CACNA1D: variants seen among roughly 807,000 people sequenced by gnomAD.
The protein encoded by CACNA1D is voltage-dependent L-type calcium channel subunit alpha-1D.
CACNA1D carries 55 observed loss-of-function variants against 257.1 expected under a neutral mutation model. That is an observed-to-expected ratio of 0.21 (90% CI 0.17 to 0.27). The LOEUF is 0.27. CACNA1D is among the 10% of genes least tolerant of loss of function. The pLI is 1.00. For missense variants in CACNA1D, 1,876 were observed against 2,784.0 expected, an observed-to-expected ratio of 0.67 and a Z score of 7.34; for synonymous variants, 980 against 1,014.9, an observed-to-expected ratio of 0.97 and a Z score of 0.65.
intron 3 of CACNA1D, among the ~76,000 whole-genome samples, chr3:53,612,115 C>T (rs1454940975): frequency 6.6e-6 from 1 of 152,094 alleles, no homozygotes; most frequent in Non-Finnish European, 1.5e-5. Context: ...TTTAAAAATA[C>T]TTGAATAAAA....
At chr3:53,523,701 C>G (rs1443499548) in intron 3 of CACNA1D, among the ~76,000 whole-genome samples, 1 of 152,222 alleles carries the variant, frequency 6.6e-6, no homozygotes, top group Admixed American at 6.5e-5. Flanking sequence ...CTTCAGGCCC[C>G]CCTTTGCCAC....
intron 3 of CACNA1D, among the ~76,000 whole-genome samples, chr3:53,503,255 T>C (rs2090679962): frequency 6.6e-6 from 1 of 152,220 alleles, no homozygotes; most frequent in African/African-American, 2.4e-5. Context: ...ACACTGGTAG[T>C]ATATATTTGG....
chr3:53,719,185 TG>T (rs2094855552), intron 10 of CACNA1D, among the ~76,000 whole-genome samples: 1 of 152,240 alleles, frequency 6.6e-6, no homozygotes, highest in African/African-American at 2.4e-5. Context: ...ATCTTACTCT[TG>T]GCAGAGTTTC....
At chr3:53,691,551 C>A (rs1040990874) in intron 8 of CACNA1D, among the ~76,000 whole-genome samples, 2 of 150,098 alleles carry the variant, frequency 1.3e-5, no homozygotes, top group Non-Finnish European at 2.9e-5. Flanking sequence ...TGGAAACTAA[C>A]CCTTCAAAGA....
rs3733070 is a variant in CACNA1D, at chr3:53,780,281, C to T, written c.4690+153C>T. Among the ~76,000 whole-genome samples the T allele has an allele frequency of 0.29, 43,781 of 152,182 alleles. 7,336 individuals are homozygous for T. The highest frequency in any genetic ancestry group is 0.38 in the Non-Finnish European group (25,848 of 67,978). On this transcript the variant is annotated intron_variant, in intron 38 of 47. Coordinates refer to ENST00000350061, the MANE Select transcript of CACNA1D (RefSeq NM_001128840.3). ...ATGAAGATGTCCATGCTGGGCTTGC[C>T]GGCTGGCCCCTGCCTCCTGTTTCCT...
chr3:53,732,859 C>A lies in CACNA1D; in HGVS notation c.2518C>A (p.Pro840Thr). 6.2e-7 allele frequency: 1 copy of A among 1,613,812 alleles called. No homozygotes were observed. The highest frequency in any genetic ancestry group is 8.5e-7 in the Non-Finnish European group (1 of 1,179,778). The change falls in exon 19 of 48, where the codon CCT becomes ACT. Residue 840 changes from proline to threonine, a missense_variant. Physicochemically the swap from Pro to Thr is conservative, Grantham distance 38. Around this residue, in one of 10 missense-constraint regions of CACNA1D, gnomAD observed 271 missense variants for 425.5 expected, o/e 0.64. Coordinates refer to ENST00000350061, the MANE Select transcript of CACNA1D (RefSeq NM_001128840.3). ...AGAGGAGGAGGATGAACCTGAGGTT[C>A]CTGCCGGACCCCGTCCTCGAAGGAT... The part of the protein sequence containing the change: ...EEEEEDEPEV[P>T]AGPRPRRISE...
chr3:53,791,641 G>C (rs1199497022), intron 40 of CACNA1D: 2 of 152,522 alleles, frequency 1.3e-5, no homozygotes, highest in Non-Finnish European at 2.9e-5. Flanking sequence ...GACAGGCCAG[G>C]AAGCTCAGAT....
chr3:53,649,840 C>T (rs779563987), intron 3 of CACNA1D, among the ~76,000 whole-genome samples: 2 of 152,262 alleles, frequency 1.3e-5, no homozygotes, highest in South Asian at 2.1e-4. Flanking sequence ...AAGTTAATTA[C>T]ACACATCTCT....
At chr3:53,753,393 C>A (rs753789638) in intron 28 of CACNA1D, among the ~76,000 whole-genome samples, 179 bp from the exon 29 acceptor site, 2 of 152,188 alleles carry the variant, frequency 1.3e-5, no homozygotes, top group Non-Finnish European at 2.9e-5. Context: ...TTGTCACAGA[C>A]CCTCCTGCAC....
intron 9 of CACNA1D, among the ~76,000 whole-genome samples, chr3:53,712,224 A>G (rs1460379187): frequency 6.6e-6 from 1 of 152,134 alleles, no homozygotes; most frequent in Non-Finnish European, 1.5e-5. Context: ...CTGCAGGGAG[A>G]GGAAGCAGGC....
At chr3:53,546,158 G>A (rs961578611) in intron 3 of CACNA1D, among the ~76,000 whole-genome samples, 13 of 152,204 alleles carry the variant, frequency 8.5e-5, no homozygotes, top group Admixed American at 7.2e-4. Flanking sequence ...GGCTGCATGA[G>A]GGCTGTGGCT....
intron 21 of CACNA1D, among the ~76,000 whole-genome samples, chr3:53,741,515 C>G (rs2095118044): frequency 6.6e-6 from 1 of 152,154 alleles, no homozygotes; most frequent in South Asian, 2.1e-4. Context: ...ATAAAGCCAA[C>G]CAACAACTGT....
chr3:53,807,319 C>T (rs925183827), intron 45 of CACNA1D, among the ~76,000 whole-genome samples: 8 of 152,192 alleles, frequency 5.3e-5, no homozygotes, highest in Non-Finnish European at 8.8e-5. Context: ...ATGAGGCAGC[C>T]GTGTGTGTCC....
At chr3:53,541,331 C>A (rs1018948905) in intron 3 of CACNA1D, among the ~76,000 whole-genome samples, 1 of 152,116 alleles carries the variant, frequency 6.6e-6, no homozygotes, top group Non-Finnish European at 1.5e-5. Context: ...TTAGGTCTAA[C>A]CTGTATTAAT....
At chr3:53,652,420 A>G (rs1274381050) in intron 4 of CACNA1D, among the ~76,000 whole-genome samples, 1 of 152,142 alleles carries the variant, frequency 6.6e-6, no homozygotes, top group East Asian at 1.9e-4. Context: ...TATTTAGAGA[A>G]AGAGCTTCAT....
chr3:53,713,498 GTGTA>G lies in CACNA1D; in HGVS notation c.1391-4799_1391-4796del, dbSNP rs202081813. Among the ~76,000 whole-genome samples the G allele has an allele frequency of 1.1e-3, 135 of 119,068 alleles. 1 individual carries two copies. The East Asian group carries it at 0.013, about 11-fold the overall frequency. 78.1% of individuals were successfully genotyped at this position (119,068 alleles called of 152,430 possible). A position where few individuals can be genotyped will look rare whatever the true frequency, so the allele number is the denominator to read the frequency against. On this transcript the variant is annotated intron_variant, in intron 9 of 47. Transcript: ENST00000350061. ...CCACACATAGACTCATTTGCTCTGTGTGTATGTGTGTGTGTGTGTGTGTGTGTGT... is the reference window on the plus strand; with the variant it reads ...CCACACATAGACTCATTTGCTCTGTGTGTGTGTGTGTGTGTGTGTGTGTGT...
intron 3 of CACNA1D, among the ~76,000 whole-genome samples, chr3:53,504,799 C>G (rs1218735111): frequency 1.3e-5 from 2 of 152,108 alleles, no homozygotes; most frequent in African/African-American, 4.8e-5. Flanking sequence ...TATTTCATAT[C>G]ATTCAGTTTC....
chr3:53,773,272 C>T, intron 33 of CACNA1D: 1 of 326,560 alleles, frequency 3.1e-6, no homozygotes. Context: ...GAACAGAAGG[C>T]TGGTGCTGAG....
Position 53,811,264 on chromosome 3 carries a change from C to A in CACNA1D, c.6344C>A (p.Ala2115Asp), listed in dbSNP as rs1310350534. The change falls in exon 48 of 48, where the codon GCC becomes GAC. Residue 2115 changes from alanine to aspartate, a missense_variant. Physicochemically the swap from Ala to Asp is moderately radical, Grantham distance 126 (BLOSUM62 -2). This residue lies in a region of CACNA1D where 491 missense variants were observed against 554.3 expected (regional missense o/e 0.89). Transcript: ENST00000350061. The surrounding 1 kb of genome is among the most constrained non-coding windows in gnomAD (Gnocchi z 4.2). ...TLLNGNVRPR[A>D]NGDVGPLSHR... is the part of the protein sequence containing the mutation. ...CTTAATGGGAACGTGCGTCCCCGAGCCAACGGGGATGTGGGCCCCCTCTCA... is the reference window on the plus strand; with the variant it reads ...CTTAATGGGAACGTGCGTCCCCGAGACAACGGGGATGTGGGCCCCCTCTCA... 1.2e-6 allele frequency: 2 copies of A among 1,613,946 alleles called. No homozygotes were observed. Among genetic ancestry groups the A allele is most frequent in the African/African-American group, 1.3e-5 (1 of 75,040 alleles).
Sources: gnomAD v4.1 joint callset for allele counts (sites outside exome capture counted in the v4.1 genomes callset) on GRCh38, gnomAD v4.1.1 for gene constraint, gnomAD v4.1.1 regional missense constraint, Gnocchi (gnomAD v3.1) non-coding constraint, MANE v1.5 for transcripts, NCBI Gene and HGNC (gene_info 2026-07-23, HGNC 2026-07-21) for gene names.